TRPM6: variants seen among roughly 807,000 people sequenced by gnomAD.
The protein encoded by TRPM6 is transient receptor potential cation channel subfamily M member 6.
In TRPM6, 111 loss-of-function variants were observed where a neutral mutation model predicts 247.6. The observed-to-expected ratio is 0.45, with a 90% CI of 0.38 to 0.52. The LOEUF (loss-of-function observed/expected upper bound fraction) is 0.52, where lower values mean the gene tolerates loss of function less well. TRPM6 is among the 20% of genes least tolerant of loss of function. The pLI, the probability that TRPM6 is intolerant of heterozygous loss-of-function variation, is 0.00. For synonymous variants in TRPM6, 892 were observed against 853.8 expected (o/e 1.04, Z -0.78); for missense variants, 2,126 against 2,421.5 (o/e 0.88, Z 2.56).
At chr9:74,746,396 C>T (rs1476815637) in intron 31 of TRPM6, among the ~76,000 whole-genome samples, 1 of 152,100 alleles carries the variant, frequency 6.6e-6, no homozygotes, top group East Asian at 1.9e-4. Flanking sequence ...GATAGAGTTG[C>T]CATTTCCTGA....
chr9:74,763,931 T>C (rs1826740326), intron 25 of TRPM6, among the ~76,000 whole-genome samples: 2 of 152,110 alleles, frequency 1.3e-5, no homozygotes, highest in East Asian at 1.9e-4. Flanking sequence ...GGTGGATCAC[T>C]TGAAGTCAAG....
chr9:74,741,011 C>A lies in TRPM6; in HGVS notation c.5201-1002G>T, dbSNP rs540957765. ...ACGAGTTACTTAAAGCCTCAATTTCCCCATCAGAAAAATGGGGATGAAAAT... is the reference window on the plus strand; with the variant it reads ...ACGAGTTACTTAAAGCCTCAATTTCACCATCAGAAAAATGGGGATGAAAAT... On this transcript the variant is annotated intron_variant, in intron 33 of 38. Coordinates refer to ENST00000360774, the MANE Select transcript of TRPM6 (RefSeq NM_017662.5). 2.2e-3 allele frequency among the ~76,000 whole-genome samples: 335 copies of A among 152,104 alleles called. 2 individuals are homozygous for A. Among genetic ancestry groups the A allele is most frequent in the African/African-American group, 7.4e-3 (308 of 41,460 alleles).
At chr9:74,834,799 G>A (rs961295130) in intron 5 of TRPM6, among the ~76,000 whole-genome samples, 1 of 152,076 alleles carries the variant, frequency 6.6e-6, no homozygotes, top group African/African-American at 2.4e-5. Flanking sequence ...GTATTCCATG[G>A]TGTATATGTG....
Position 74,827,846 on chromosome 9 carries a change from T to C in TRPM6, c.773A>G (p.Lys258Arg), listed in dbSNP as rs762760911. ...TCTGAGCTTCATTTCATTTCCATAC[T>C]TGCCCACGGTCCCATCATCAGACAG... The part of the protein sequence containing the change: ...FILSDDGTVG[K>R]YGNEMKLRRN... Residue 258 changes from lysine to arginine, a missense_variant, in exon 7 of 39, where the codon AAG (lysine) becomes AGG (arginine). This residue lies in a region of TRPM6 where 1,082 missense variants were observed against 1,307.9 expected (regional missense o/e 0.83). Coordinates refer to ENST00000360774, the MANE Select transcript of TRPM6 (RefSeq NM_017662.5). 1.2e-6 allele frequency: 2 copies of C among 1,614,108 alleles called. No individual in the cohort carries two copies. Among genetic ancestry groups the C allele is most frequent in the Non-Finnish European group, 1.7e-6 (2 of 1,180,018 alleles).
chr9:74,850,337 G>A (rs758367793), intron 3 of TRPM6, among the ~76,000 whole-genome samples: 11 of 151,942 alleles, frequency 7.2e-5, no homozygotes, highest in Non-Finnish European at 1.5e-4. Context: ...GGGCCATTGC[G>A]CTCCAGCCTG....
chr9:74,845,694 G>T (rs979842601), intron 3 of TRPM6, among the ~76,000 whole-genome samples: 11 of 152,014 alleles, frequency 7.2e-5, no homozygotes, highest in African/African-American at 2.2e-4. Flanking sequence ...TTAGCCCTGT[G>T]TGGTGGAGCA....
chr9:74,860,607 C>T (rs1830664797), intron 1 of TRPM6, among the ~76,000 whole-genome samples: 1 of 152,178 alleles, frequency 6.6e-6, no homozygotes, highest in African/African-American at 2.4e-5. Context: ...TGTCTGCTTG[C>T]CTTGGCCTCC....
In TRPM6 at chr9:74,842,359, A is replaced by G. The variant is rs763769732; in HGVS notation, c.153-16T>C. ...ACAGTAACACCTTAAATTCAAGACC[A>G]AAAAAAAACTCAACTTCAAAATAGA... On this transcript the variant is annotated splice_polypyrimidine_tract_variant and intron_variant, in intron 3 of 38. Transcript: ENST00000360774. 15 of 1,599,432 alleles carry G rather than the reference A, an allele frequency of 9.4e-6. No individual in the cohort carries two copies. The highest frequency in any genetic ancestry group is 1.2e-5 in the Non-Finnish European group (14 of 1,168,850).
chr9:74,834,195 A>C (rs777929406), intron 5 of TRPM6, 73 bp from the exon 6 acceptor site: 2 of 1,584,054 alleles, frequency 1.3e-6, no homozygotes, highest in Non-Finnish European at 1.7e-6. Context: ...CCAGAAACAG[A>C]CAAATAAATA....
At chr9:74,725,017 A>C (rs1825269107) in intron 38 of TRPM6, among the ~76,000 whole-genome samples, 1 of 152,202 alleles carries the variant, frequency 6.6e-6, no homozygotes, top group Non-Finnish European at 1.5e-5. Flanking sequence ...GTGCCCTATA[A>C]GGCATAATCT....
chr9:74,792,572 A>C, intron 19 of TRPM6, 52 bp downstream of exon 19: 1 of 1,580,504 alleles, frequency 6.3e-7, no homozygotes, highest in Non-Finnish European at 8.7e-7. Flanking sequence ...CAACATCATC[A>C]CTAGCTATCA....
intron 19 of TRPM6, among the ~76,000 whole-genome samples, chr9:74,791,848 T>TG (rs1225026527): frequency 6.6e-6 from 1 of 152,160 alleles, no homozygotes; most frequent in African/African-American, 2.4e-5. Context: ...CTCTGCCCCC[T>TG]GGGGTTCTCG....
intron 23 of TRPM6, 29 bp from the exon 24 acceptor site, chr9:74,776,105 G>A (rs1827210732): frequency 1.3e-6 from 2 of 1,574,774 alleles, no homozygotes; most frequent in African/African-American, 1.3e-5. Context: ...GAGGGACAAT[G>A]TTTTAATATG....
chr9:74,801,769 C>A, intron 16 of TRPM6, 129 bp downstream of exon 16: 2 of 1,159,988 alleles, frequency 1.7e-6, no homozygotes, highest in Non-Finnish European at 2.5e-6. Flanking sequence ...ACCCTTTTAA[C>A]AGGAGAGTCC....
At chr9:74,867,546 A>G (rs906542232) in intron 1 of TRPM6, among the ~76,000 whole-genome samples, 1 of 152,204 alleles carries the variant, frequency 6.6e-6, no homozygotes, top group Non-Finnish European at 1.5e-5. Flanking sequence ...TTCCAACACA[A>G]GATAAAATCT....
chr9:74,790,192 T>C (rs1564015700), intron 19 of TRPM6, among the ~76,000 whole-genome samples: 3 of 152,196 alleles, frequency 2.0e-5, no homozygotes, highest in Non-Finnish European at 4.4e-5. Flanking sequence ...AATGGTATTA[T>C]TGGCAATAGG....
intron 18 of TRPM6, among the ~76,000 whole-genome samples, chr9:74,793,692 A>T (rs1255257204): frequency 2.0e-5 from 3 of 152,134 alleles, no homozygotes; most frequent in Non-Finnish European, 2.9e-5. Flanking sequence ...TAGGATTCTG[A>T]CCTTCGATAG....
chr9:74,785,065 C>G lies in TRPM6; in HGVS notation c.2919+809G>C, dbSNP rs955794272. On this transcript the variant is annotated intron_variant, in intron 21 of 38. Coordinates refer to ENST00000360774, the MANE Select transcript of TRPM6 (RefSeq NM_017662.5). ...GAGGGTGCAGTGAGCCGTGATCGCA[C>G]CACTGCACTCCAGCCTAGGTGACAG... Among the ~76,000 whole-genome samples, 4 of 152,160 alleles carry G rather than the reference C, an allele frequency of 2.6e-5. No individual in the cohort carries two copies. In the East Asian group the frequency reaches 7.7e-4, roughly 29 times the overall value.
chr9:74,875,267 G>GT (rs1384450174), intron 1 of TRPM6: 4 of 455,102 alleles, frequency 8.8e-6, no homozygotes, highest in Non-Finnish European at 1.8e-5. Context: ...GGAGGGCTGG[G>GT]TGTGGTGACT....
Sources: allele counts gnomAD v4.1 joint callset (sites outside exome capture counted in the v4.1 genomes callset), GRCh38; gene constraint gnomAD v4.1.1; regional missense constraint gnomAD v4.1.1; transcripts MANE v1.5; gene names NCBI Gene and HGNC (gene_info 2026-07-23, HGNC 2026-07-21).